The following IL12B variants were observed in gnomAD, a reference collection of about 807,000 sequenced individuals.
IL12B encodes the protein interleukin-12 subunit beta.
A neutral mutation model predicts 39.2 loss-of-function variants in IL12B; 27 were observed. The observed-to-expected ratio is 0.69, with a 90% CI of 0.51 to 0.95. The LOEUF (loss-of-function observed/expected upper bound fraction) is 0.95. Ranked by LOEUF, IL12B falls within the 40% of genes least tolerant of loss-of-function variation. The pLI is 0.00. For missense variants in IL12B, 351 were observed against 397.6 expected (o/e 0.88, Z 1.00); for synonymous variants, 142 against 152.1 (o/e 0.93, Z 0.49).
In IL12B at chr5:159,322,382, A is replaced by C. The variant is rs1375484833; in HGVS notation, c.482+12T>G. 1 of 1,465,864 alleles carries C rather than the reference A, an allele frequency of 6.8e-7. No individual in the cohort carries two copies. The highest frequency in any genetic ancestry group is 9.6e-7 in the Non-Finnish European group (1 of 1,044,542). 90.8% of individuals were successfully genotyped at this position (1,465,864 alleles called of 1,614,324 possible). A position where few individuals can be genotyped will look rare whatever the true frequency, so the allele number is the denominator to read the frequency against. On this transcript the variant is annotated intron_variant, in intron 4 of 7. Transcript: ENST00000231228. ...TAGAAAAATGCTGAGAAACCAGAGC[A>C]GTTTCACTCACCCTCTGCTGCTTTT...
At chr5:159,329,427 A>T (rs1754242028) in intron 1 of IL12B, among the ~76,000 whole-genome samples, 1 of 152,190 alleles carries the variant, frequency 6.6e-6, no homozygotes, top group Non-Finnish European at 1.5e-5. Flanking sequence ...CATGGTGCCT[A>T]GATGAAGTCA....
Position 159,322,378 on chromosome 5 carries a change from G to C in IL12B, c.482+16C>G, listed in dbSNP as rs772516220. Reference sequence around the variant, plus strand: ...GTTCTAGAAAAATGCTGAGAAACCAGAGCAGTTTCACTCACCCTCTGCTGC... The same window carrying C: ...GTTCTAGAAAAATGCTGAGAAACCACAGCAGTTTCACTCACCCTCTGCTGC... On this transcript the variant is annotated intron_variant, in intron 4 of 7. Coordinates refer to ENST00000231228, the MANE Select transcript of IL12B (RefSeq NM_002187.3). 3.7e-5 allele frequency: 53 copies of C among 1,422,920 alleles called. No individual in the cohort carries two copies. The highest frequency in any genetic ancestry group is 1.7e-4 in the Middle Eastern group (1 of 5,728). The allele number at this position is 1,422,920 out of a possible 1,614,324, so 88.1% of individuals were successfully genotyped here. A position where few individuals can be genotyped will look rare whatever the true frequency, so the allele number is the denominator to read the frequency against.
chr5:159,318,904 G>A lies in IL12B; in HGVS notation c.698-11C>T. 6.2e-7 allele frequency: 1 copy of A among 1,612,240 alleles called. No individual in the cohort carries two copies. The highest frequency in any genetic ancestry group is 8.5e-7 in the Non-Finnish European group (1 of 1,178,702). On this transcript the variant is annotated splice_polypyrimidine_tract_variant and intron_variant, in intron 5 of 7. Coordinates refer to ENST00000231228, the MANE Select transcript of IL12B (RefSeq NM_002187.3). ...GTGGGTCAGGTTTGACTGTGGAAGA[G>A]GATAAACATGCTTTATTTTCCTAAT...
chr5:159,326,515 A>G (rs1754192025), intron 2 of IL12B, among the ~76,000 whole-genome samples, 180 bp downstream of exon 2: 1 of 152,228 alleles, frequency 6.6e-6, no homozygotes, highest in Non-Finnish European at 1.5e-5. Flanking sequence ...AAAACCAAAC[A>G]ATATAGATAC....
At chr5:159,327,941 A>T (rs1030194624) in intron 1 of IL12B, among the ~76,000 whole-genome samples, 24 of 152,348 alleles carry the variant, frequency 1.6e-4, no homozygotes, top group African/African-American at 5.5e-4. Context: ...AAACATTCTG[A>T]AACAACTCCA....
chr5:159,324,537 C>T lies in IL12B; in HGVS notation c.89-1208G>A, dbSNP rs138964416. Among the ~76,000 whole-genome samples, 868 of 152,316 alleles carry T rather than the reference C, an allele frequency of 5.7e-3. 4 individuals carry two copies. The highest frequency in any genetic ancestry group is 8.6e-3 in the Non-Finnish European group (585 of 68,034). The stretch of plus-strand genomic sequence containing the variant: ...GATTTAGTTATATGGTTCTTAAGCT[C>T]TCCAGATGGTGCTGATGCCTGCTCA... On this transcript the variant is annotated intron_variant, in intron 2 of 7. Coordinates refer to ENST00000231228, the MANE Select transcript of IL12B (RefSeq NM_002187.3).
intron 6 of IL12B, 132 bp downstream of exon 6, chr5:159,318,604 T>C: frequency 1.1e-6 from 1 of 891,720 alleles, no homozygotes; most frequent in Non-Finnish European, 1.9e-6. Flanking sequence ...TAAAGATGAA[T>C]TTCTCAGAAT....
At chr5:159,323,546 C>T (rs897220380) in intron 2 of IL12B, among the ~76,000 whole-genome samples, 3 of 152,126 alleles carry the variant, frequency 2.0e-5, no homozygotes, top group Non-Finnish European at 4.4e-5. Context: ...GCCATCGACT[C>T]ATTGACTGGA....
intron 5 of IL12B, among the ~76,000 whole-genome samples, chr5:159,319,571 G>A (rs1366985766): frequency 6.6e-6 from 1 of 152,216 alleles, no homozygotes; most frequent in Non-Finnish European, 1.5e-5. Context: ...GCCTGGCACT[G>A]CTCCACACAA....
chr5:159,318,664 T>C, intron 6 of IL12B, 72 bp downstream of exon 6: 1 of 1,309,842 alleles, frequency 7.6e-7, no homozygotes, highest in Middle Eastern at 1.9e-4. Flanking sequence ...TTATCATCAT[T>C]CATCTTCTCA....
rs146408881 is a variant in IL12B, at chr5:159,316,812, T to A, written c.860A>T (p.Asp287Val). ...TGAGGTCTTGTCCGTGAAGACTCTA[T>A]CTTTCTGCAAAAGAGAAGGAAAGCT... is the stretch of plus-strand genomic sequence containing the variant. ...VQGKSKREKK[D>V]RVFTDKTSAT... The change falls in exon 7 of 8, where the codon GAT (aspartate) becomes GTT (valine). Residue 287 changes from aspartate (D) to valine (V), a missense_variant. Physicochemically the swap from Asp to Val is radical, Grantham distance 152. Coordinates refer to ENST00000231228, the MANE Select transcript of IL12B (RefSeq NM_002187.3). The A allele has an allele frequency of 8.1e-6, 13 of 1,614,004 alleles. No individual in the cohort carries two copies. Among genetic ancestry groups the A allele is most frequent in the Non-Finnish European group, 9.3e-6 (11 of 1,180,030 alleles).
At chr5:159,325,019 A>G (rs1351618165) in intron 2 of IL12B, among the ~76,000 whole-genome samples, 2 of 151,792 alleles carry the variant, frequency 1.3e-5, no homozygotes, top group African/African-American at 4.8e-5. Context: ...GAGCATGGTT[A>G]CTTTCCTGTC....
At chr5:159,327,075 T>G (rs1754203424) in intron 1 of IL12B, among the ~76,000 whole-genome samples, 1 of 152,162 alleles carries the variant, frequency 6.6e-6, no homozygotes, top group Non-Finnish European at 1.5e-5. Context: ...AGGCAAGCCA[T>G]CTGATACAAT....
intron 6 of IL12B, among the ~76,000 whole-genome samples, chr5:159,317,367 A>C (rs13361768): frequency 1.6e-3 from 238 of 152,374 alleles, no homozygotes; most frequent in African/African-American, 5.5e-3. Context: ...AGTCTTTAGC[A>C]CATAGGAAGC....
chr5:159,316,490 T>C (rs1227044414), intron 7 of IL12B, among the ~76,000 whole-genome samples, 195 bp downstream of exon 7: 4 of 152,240 alleles, frequency 2.6e-5, no homozygotes, highest in Non-Finnish European at 1.5e-5. Flanking sequence ...AATATCCCTG[T>C]GGCCAGCACA....
At position 159,323,314 on chromosome 5, in the gene IL12B, A is replaced by G. The variant is rs1469792164; in HGVS notation, c.104T>C (p.Leu35Ser). The G allele has an allele frequency of 3.7e-6, 6 of 1,613,992 alleles. No individual in the cohort carries two copies. Among genetic ancestry groups the G allele is most frequent in the Non-Finnish European group, 4.2e-6 (5 of 1,179,996 alleles). Residue 35 changes from leucine (L) to serine (S), a missense_variant, in exon 3 of 8, where the codon TTG (leucine) becomes TCG (serine). Coordinates refer to ENST00000231228, the MANE Select transcript of IL12B (RefSeq NM_002187.3). ...ELKKDVYVVELDWYPDAPGEM... is the reference protein window; with the variant it reads ...ELKKDVYVVESDWYPDAPGEM... ...TCCAGGGGCATCCGGATACCAATCC[A>G]ATTCTACGACATAAACTGGAATGCA...
At chr5:159,329,073 A>C (rs889709542) in intron 1 of IL12B, among the ~76,000 whole-genome samples, 20 of 152,154 alleles carry the variant, frequency 1.3e-4, no homozygotes, top group African/African-American at 3.1e-4. Flanking sequence ...ATGAAGGACA[A>C]AGGGACCCCA....
At chr5:159,328,360 T>C (rs768921973) in intron 1 of IL12B, among the ~76,000 whole-genome samples, 15 of 152,086 alleles carry the variant, frequency 9.9e-5, no homozygotes, top group South Asian at 4.1e-4. Flanking sequence ...TGAATTTTGG[T>C]CCCACCGCTC....
At chr5:159,321,953 T>G (rs181922994) in intron 4 of IL12B, among the ~76,000 whole-genome samples, 2 of 152,048 alleles carry the variant, frequency 1.3e-5, no homozygotes, top group Admixed American at 6.6e-5. Flanking sequence ...CCTGGGAAAA[T>G]TTCGGGAGGC....
Sources: allele counts gnomAD v4.1 joint callset (sites outside exome capture counted in the v4.1 genomes callset), GRCh38; gene constraint gnomAD v4.1.1; transcripts MANE v1.5; gene names NCBI Gene and HGNC (gene_info 2026-07-23, HGNC 2026-07-21).